Variants in ANP32E observed in about 807,000 individuals in gnomAD.
ANP32E encodes acidic nuclear phosphoprotein 32 family member E.
Under a neutral mutation model 35.3 loss-of-function variants are expected in ANP32E, and 14 were observed. The observed-to-expected ratio is 0.40, with a 90% CI of 0.26 to 0.62. The LOEUF (loss-of-function observed/expected upper bound fraction) is 0.62. Among genes scored for constraint, ANP32E ranks in the 20% least tolerant of loss-of-function variants. The probability of loss-of-function intolerance (pLI) is 0.45; values close to 1 mark genes in which losing one functional copy is unlikely to be tolerated. For missense variants in ANP32E, 198 were observed against 304.4 expected, an observed-to-expected ratio of 0.65 and a Z score of 2.60; for synonymous variants, 89 against 110.4, an observed-to-expected ratio of 0.81 and a Z score of 1.22.
chr1:150,228,208 A>C lies in ANP32E; in HGVS notation c.493+864T>G, dbSNP rs191834391. The stretch of plus-strand genomic sequence containing the variant: ...ACTGCAACCTTCGCCTCCCAGGTTC[A>C]AGCAATTCTGCCTCGGCTTCCCATG... On this transcript the variant is annotated intron_variant, in intron 4 of 6. Transcript: ENST00000583931. Among the ~76,000 whole-genome samples, 23 of 152,012 alleles carry C rather than the reference A, an allele frequency of 1.5e-4. No homozygotes were observed. The East Asian group carries it at 4.3e-3, about 28-fold the overall frequency.
chr1:150,223,744 T>G (rs1158001177), intron 5 of ANP32E, among the ~76,000 whole-genome samples: 9 of 147,420 alleles, frequency 6.1e-5, no homozygotes, highest in African/African-American at 2.2e-4. Context: ...TTCCTTTTTA[T>G]TTATTTATTT....
rs782601174 is a variant in ANP32E, at chr1:150,230,693, A to G, written c.205T>C (p.Leu69=). 33 of 1,566,654 alleles carry G rather than the reference A, an allele frequency of 2.1e-5. 1 individual carries two copies. In the East Asian group the frequency reaches 7.6e-4, roughly 36 times the overall value. ...RLPSLNKLRK[L]ELSDNIISGG... ...GAAATTATATTATCACTAAGCTCCA[A>G]CTATACATTCAACAAAGGAAAAAAC... Residue 69 remains leucine (L), a splice_region_variant and synonymous_variant, in exon 3 of 7, where the codon TTG becomes CTG. Coordinates refer to ENST00000583931, the MANE Select transcript of ANP32E (RefSeq NM_030920.5).
intron 1 of ANP32E, chr1:150,234,456 TCCAC>T (rs1649614790): frequency 1.9e-5 from 6 of 321,292 alleles, no homozygotes; most frequent in Non-Finnish European, 2.6e-5. Context: ...TAGTTGCCAC[TCCAC>T]ACGCCGGACG....
At chr1:150,232,642 T>C (rs946989414) in intron 1 of ANP32E, among the ~76,000 whole-genome samples, 1 of 151,744 alleles carries the variant, frequency 6.6e-6, no homozygotes, top group Non-Finnish European at 1.5e-5. Context: ...GGCTAATTTT[T>C]TTGTATTTTT....
chr1:150,234,444 C>A (rs1649612756), intron 1 of ANP32E: 3 of 176,974 alleles, frequency 1.7e-5, no homozygotes, highest in Non-Finnish European at 2.5e-5. Flanking sequence ...AAAAAAAAAT[C>A]TTAGTTGCCA....
rs1553843087 is a variant in ANP32E at position 150,235,597 on chromosome 1, C to T, written c.54+136G>A. The stretch of plus-strand genomic sequence containing the variant: ...TAATGATTTAAAACTTAAAATTAAA[C>T]ATTTCCCCAACCCTAACCCGGGGGG... On this transcript the variant is annotated intron_variant, in intron 1 of 6. Transcript: ENST00000583931. The surrounding 1 kb of genome is among the most constrained non-coding windows in gnomAD (Gnocchi z 4.2). The T allele has an allele frequency of 1.1e-6, 1 of 925,124 alleles. No homozygotes were observed. Among genetic ancestry groups the T allele is most frequent in the Non-Finnish European group, 1.6e-6 (1 of 621,026 alleles). 57.3% of individuals were successfully genotyped at this position (925,124 alleles called of 1,614,324 possible).
intron 4 of ANP32E, 119 bp from the exon 5 acceptor site, chr1:150,226,914 C>G: frequency 7.6e-7 from 1 of 1,307,688 alleles, no homozygotes; most frequent in African/African-American, 1.5e-5. Flanking sequence ...TGGAAAGTAA[C>G]TCACAGCGAT....
intron 5 of ANP32E, 82 bp downstream of exon 5, chr1:150,226,526 T>C: frequency 6.6e-7 from 1 of 1,518,178 alleles, no homozygotes; most frequent in East Asian, 2.4e-5. Flanking sequence ...AACTCTCAGA[T>C]TGCTACAAAA....
intron 2 of ANP32E, 53 bp from the exon 3 acceptor site, chr1:150,230,746 C>CTTTTTTT: frequency 2.4e-6 from 3 of 1,238,144 alleles, no homozygotes; most frequent in South Asian, 1.5e-5. Flanking sequence ...TCATATCAAA[C>CTTTTTTT]TTTTTTTTTT....
chr1:150,227,806 T>TTTTTTTTTTTTTTTTTTGAG (rs1553840516), intron 4 of ANP32E, among the ~76,000 whole-genome samples: 3 of 142,370 alleles, frequency 2.1e-5, no homozygotes, highest in East Asian at 2.0e-4. Context: ...AATTTCTTTT[T>TTTTTTTTTTTTTTTTTTGAG]ACGATGAAGA....
intron 6 of ANP32E, among the ~76,000 whole-genome samples, chr1:150,221,604 G>GGGAGGGAGGGAAGGAAGGAAGGAA (rs1553838033): frequency 8.1e-5 from 3 of 36,896 alleles, no homozygotes; most frequent in African/African-American, 5.3e-4. Flanking sequence ...GAGGGAGGGA[G>GGGAGGGAGGGAAGGAAGGAAGGAA]GGAAGGAAGG....
chr1:150,231,854 C>A lies in ANP32E; in HGVS notation c.127G>T (p.Glu43Ter). ...TTAGCCATACTCAGAAATTCTAGTTCTTTGAAAGTATCATTCAGGCCTTCA... is the reference window on the plus strand; with the variant it reads ...TTAGCCATACTCAGAAATTCTAGTTATTTGAAAGTATCATTCAGGCCTTCA... ...EIEGLNDTFK[E>*]LEFLSMANVE... is the part of the protein sequence containing the mutation. The change falls in exon 2 of 7, where the codon GAA becomes TAA. Residue 43 changes from glutamate (E) to a stop codon, truncating the protein, a stop_gained. Transcript: ENST00000583931. LOFTEE classifies it high-confidence loss of function. The A allele has an allele frequency of 1.9e-6, 3 of 1,613,280 alleles. No individual in the cohort carries two copies. The highest frequency in any genetic ancestry group is 1.1e-5 in the South Asian group (1 of 90,838).
chr1:150,229,290 T>C, intron 3 of ANP32E, 53 bp from the exon 4 acceptor site: 1 of 934,256 alleles, frequency 1.1e-6, no homozygotes, highest in African/African-American at 2.4e-5. Context: ...CCATGTTATT[T>C]CTTTTTTCTT....
rs1649739356 is a variant in ANP32E, at chr1:150,235,848, C to T, written c.-62G>A. The T allele has an allele frequency of 7.9e-7, 1 of 1,273,686 alleles. No homozygotes were observed. Among genetic ancestry groups the T allele is most frequent in the African/African-American group, 1.5e-5 (1 of 67,038 alleles). The allele number at this position is 1,273,686 out of a possible 1,614,324, so 78.9% of individuals were successfully genotyped here. On this transcript the variant is annotated 5_prime_UTR_variant, in exon 1 of 7. Coordinates refer to ENST00000583931, the MANE Select transcript of ANP32E (RefSeq NM_030920.5). This position sits in a 1 kb window ranked among gnomAD's most constrained non-coding sequence, Gnocchi z 4.2. ...CCCTTTCCTGCCTTCCCCAATACCC[C>T]CAACCCAAAATTTTTAAGAGATTTA...
chr1:150,234,305 A>G lies in ANP32E; in HGVS notation c.54+1428T>C, dbSNP rs143728178. The stretch of plus-strand genomic sequence containing the variant: ...TTTAAAGTTTGATTTTGGTTTTTTT[A>G]TTTTTTTCCTGAAGCCTCTAAGAAT... On this transcript the variant is annotated intron_variant, in intron 1 of 6. Coordinates refer to ENST00000583931, the MANE Select transcript of ANP32E (RefSeq NM_030920.5). Among the ~76,000 whole-genome samples the G allele has an allele frequency of 4.5e-3, 588 of 131,160 alleles. 2 individuals carry two copies. Among genetic ancestry groups the G allele is most frequent in the African/African-American group, 0.016 (556 of 34,956 alleles). The allele number at this position is 131,160 out of a possible 152,430, so 86.0% of individuals were successfully genotyped here. A position where few individuals can be genotyped will look rare whatever the true frequency, so the allele number is the denominator to read the frequency against.
At chr1:150,232,188 C>CA (rs1649400982) in intron 1 of ANP32E, among the ~76,000 whole-genome samples, 1 of 150,534 alleles carries the variant, frequency 6.6e-6, no homozygotes, top group East Asian at 2.0e-4. Flanking sequence ...ACTAAAAATA[C>CA]AAAAAATTAG....
chr1:150,223,430 C>T (rs587644030), intron 5 of ANP32E, 190 bp from the exon 6 acceptor site: 16 of 642,052 alleles, frequency 2.5e-5, no homozygotes, highest in African/African-American at 2.4e-4. Context: ...CCTGTAATCC[C>T]AGTACTTTGG....
Position 150,219,547 on chromosome 1 carries a change from G to A in ANP32E, c.*1144C>T, listed in dbSNP as rs1186721466. ...AGAGTGGTATCCAAATCATTTGAGA[G>A]GCCAACATTAAAATTTGACTTTAAT... On this transcript the variant is annotated 3_prime_UTR_variant, in exon 7 of 7. Coordinates refer to ENST00000583931, the MANE Select transcript of ANP32E (RefSeq NM_030920.5). The A allele has an allele frequency of 6.6e-6, 1 of 152,258 alleles. No homozygotes were observed. Among genetic ancestry groups the A allele is most frequent in the East Asian group, 1.9e-4 (1 of 5,190 alleles). The allele number at this position is 152,258 out of a possible 1,614,324, so 9.4% of individuals were successfully genotyped here.
rs1185294794 is a variant in ANP32E at position 150,218,515 on chromosome 1, A to C, written c.*2176T>G. On this transcript the variant is annotated 3_prime_UTR_variant, in exon 7 of 7. Transcript: ENST00000583931. ...AAAAAAACAGGGAACAGTCAAAAAC[A>C]ATAAAAGAATAATCAGGAGTACTGC... The C allele has an allele frequency of 1.3e-5, 2 of 152,682 alleles. No individual in the cohort carries two copies. The highest frequency in any genetic ancestry group is 6.5e-5 in the Admixed American group (1 of 15,286). The allele number at this position is 152,682 out of a possible 1,614,324, so 9.5% of individuals were successfully genotyped here. A position where few individuals can be genotyped will look rare whatever the true frequency, so the allele number is the denominator to read the frequency against.
Sources: gnomAD v4.1 joint callset for allele counts (sites outside exome capture counted in the v4.1 genomes callset) on GRCh38, gnomAD v4.1.1 for gene constraint, Gnocchi (gnomAD v3.1) non-coding constraint, MANE v1.5 for transcripts, NCBI Gene and HGNC (gene_info 2026-07-23, HGNC 2026-07-21) for gene names.